Variants in PSMD6 observed in about 807,000 individuals in gnomAD.
PSMD6 encodes proteasome 26S subunit, non-ATPase 6.
Under a neutral mutation model 44.9 loss-of-function variants are expected in PSMD6, and 7 were observed. The ratio of observed to expected loss-of-function variants is 0.16; its 90% CI spans 0.09 to 0.29. The LOEUF is 0.29. Among genes scored for constraint, PSMD6 ranks in the 10% least tolerant of loss-of-function variants. The pLI is 1.00. For missense variants in PSMD6, 420 were observed against 482.6 expected, an observed-to-expected ratio of 0.87 and a Z score of 1.21; for synonymous variants, 184 against 172.7, an observed-to-expected ratio of 1.07 and a Z score of -0.51.
chr3:64,011,088 G>T (rs763920368), intron 6 of PSMD6, 133 bp from the exon 7 acceptor site: 11 of 685,930 alleles, frequency 1.6e-5, no homozygotes, highest in Non-Finnish European at 2.7e-5. Flanking sequence ...TGCACATGCA[G>T]TAGTTGACGT....
intron 5 of PSMD6, chr3:64,015,125 A>G (rs1396255445): frequency 6.6e-6 from 1 of 152,204 alleles, no homozygotes; most frequent in East Asian, 1.9e-4. Context: ...TAATAAGAGA[A>G]ATGCATAAAA....
At chr3:64,021,910 G>T (rs1382100502) in intron 2 of PSMD6, among the ~76,000 whole-genome samples, 1 of 151,988 alleles carries the variant, frequency 6.6e-6, no homozygotes, top group Admixed American at 6.6e-5. Flanking sequence ...AAAGATAACA[G>T]AACTTCAGCA....
At chr3:64,011,128 A>C (rs550371159) in intron 6 of PSMD6, 173 bp from the exon 7 acceptor site, 1 of 526,568 alleles carries the variant, frequency 1.9e-6, no homozygotes, top group Admixed American at 3.7e-5. Flanking sequence ...GCTTTAAGTC[A>C]TCATCTACTA....
In PSMD6 at chr3:64,010,585, G is replaced by GTTGA; in HGVS notation, c.*82_*83insTCAA. On this transcript the variant is annotated 3_prime_UTR_variant, in exon 8 of 8. Coordinates refer to ENST00000295901, the MANE Select transcript of PSMD6 (RefSeq NM_014814.3). ...AACAATGCAGTATTTATTTTATACA[G>GTTGA]CTGACCTGGGCACATTGTGAAGTAA... is the stretch of plus-strand genomic sequence containing the variant. 1 of 999,538 alleles carries GTTGA rather than the reference G, an allele frequency of 1.0e-6. No individual in the cohort carries two copies. The highest frequency in any genetic ancestry group is 1.5e-6 in the Non-Finnish European group (1 of 681,068). The allele number at this position is 999,538 out of a possible 1,614,324, so 61.9% of individuals were successfully genotyped here.
In PSMD6 at chr3:64,010,659, T is replaced by G; in HGVS notation, c.*9A>C. 6.4e-7 allele frequency: 1 copy of G among 1,550,848 alleles called. No individual in the cohort carries two copies. Among genetic ancestry groups the G allele is most frequent in the Non-Finnish European group, 8.9e-7 (1 of 1,129,900 alleles). ...TCTCTAAAGCAAATCCTTTGTTAGT[T>G]ACATGGCTTTACATATTAATTACTC... is the stretch of plus-strand genomic sequence containing the variant. On this transcript the variant is annotated 3_prime_UTR_variant, in exon 8 of 8. Coordinates refer to ENST00000295901, the MANE Select transcript of PSMD6 (RefSeq NM_014814.3).
chr3:64,023,538 C>T, upstream of PSMD6: 1 of 1,406,076 alleles, frequency 7.1e-7, no homozygotes, highest in Non-Finnish European at 9.3e-7. Context: ...CCGGTCCCGT[C>T]TCCGCCGGCA....
intron 5 of PSMD6, among the ~76,000 whole-genome samples, chr3:64,018,088 C>T (rs1411902468): frequency 6.6e-6 from 1 of 152,156 alleles, no homozygotes; most frequent in Non-Finnish European, 1.5e-5. Flanking sequence ...AAATGATTTG[C>T]AAATCAGCAC....
chr3:64,020,041 T>G (rs974120448), intron 2 of PSMD6: 5 of 152,216 alleles, frequency 3.3e-5, no homozygotes, highest in Admixed American at 6.5e-5. Flanking sequence ...GATCTTGGTT[T>G]TTAAATACTA....
At chr3:64,019,619 C>A in intron 2 of PSMD6, 178 bp from the exon 3 acceptor site, 1 of 542,128 alleles carries the variant, frequency 1.8e-6, no homozygotes, top group Non-Finnish European at 3.1e-6. Context: ...GTTTATTATT[C>A]TACTTTCTCT....
rs1207367184 is a variant in PSMD6 at position 64,018,725 on chromosome 3, C to T, written c.718-18G>A. 2.6e-6 allele frequency: 4 copies of T among 1,526,620 alleles called. No homozygotes were observed. Among genetic ancestry groups the T allele is most frequent in the Non-Finnish European group, 3.6e-6 (4 of 1,119,730 alleles). 94.6% of individuals were successfully genotyped at this position (1,526,620 alleles called of 1,614,324 possible). A position where few individuals can be genotyped will look rare whatever the true frequency, so the allele number is the denominator to read the frequency against. ...TTAATGACCTAGGTATTTTAAAAAA[C>T]ATATATACAAAAAAAATGTACATTT... On this transcript the variant is annotated intron_variant, in intron 4 of 7. Transcript: ENST00000295901.
At chr3:64,011,858 A>C (rs539549411) in intron 6 of PSMD6, 2 of 152,542 alleles carry the variant, frequency 1.3e-5, no homozygotes, top group East Asian at 3.9e-4. Context: ...AAGCAAAGCC[A>C]AGCCGTTTTT....
chr3:64,023,476 A>T lies in PSMD6; in HGVS notation c.-57T>A. ...CAACTTGGTTACGACCGGCTGCGGC[A>T]GCGGAAGCGGGAGGAGTCGGCGAAT... On this transcript the variant is annotated 5_prime_UTR_variant, in exon 1 of 8. Transcript: ENST00000295901. 6.7e-7 allele frequency: 1 copy of T among 1,500,704 alleles called. No homozygotes were observed. Among genetic ancestry groups the T allele is most frequent in the Non-Finnish European group, 9.0e-7 (1 of 1,117,300 alleles). The allele number at this position is 1,500,704 out of a possible 1,614,324, so 93.0% of individuals were successfully genotyped here.
chr3:64,021,733 C>T (rs1313691035), intron 2 of PSMD6, among the ~76,000 whole-genome samples: 4 of 151,768 alleles, frequency 2.6e-5, no homozygotes, highest in African/African-American at 7.3e-5. Flanking sequence ...ATCGATTGAA[C>T]CCAGCAGGTG....
chr3:64,012,601 T>C (rs1325457186), intron 6 of PSMD6: 3 of 152,030 alleles, frequency 2.0e-5, no homozygotes, highest in African/African-American at 7.2e-5. Context: ...AATCATTACC[T>C]ACCTAACTCT....
intron 2 of PSMD6, 190 bp from the exon 3 acceptor site, chr3:64,019,631 C>T: frequency 1.9e-6 from 1 of 519,470 alleles, no homozygotes; most frequent in Non-Finnish European, 3.2e-6. Flanking sequence ...ACTTTCTCTA[C>T]CTGTATAAAG....
At chr3:64,014,212 TA>T (rs1559674371) in intron 5 of PSMD6, 1 of 152,132 alleles carries the variant, frequency 6.6e-6, no homozygotes, top group Non-Finnish European at 1.5e-5. Flanking sequence ...TAGAAGACAG[TA>T]AAATGTACGT....
At chr3:64,023,823 T>C, upstream of PSMD6, 1 of 1,476,704 alleles carries the variant, frequency 6.8e-7, no homozygotes, top group Non-Finnish European at 9.1e-7. Context: ...GTCGAGTCGT[T>C]ACTCTCATTC....
chr3:64,023,393 C>G lies in PSMD6; in HGVS notation c.27G>C (p.Glu9Asp). The change falls in exon 1 of 8, where the codon GAG (glutamate) becomes GAC (aspartate). Residue 9 changes from glutamate to aspartate, a missense_variant. Glu to Asp is a conservative substitution (Grantham distance 45, BLOSUM62 2). Around this residue, in one of 4 missense-constraint regions of PSMD6, gnomAD observed 136 missense variants for 124.2 expected, o/e 1.09. Coordinates refer to ENST00000295901, the MANE Select transcript of PSMD6 (RefSeq NM_014814.3). The stretch of plus-strand genomic sequence containing the variant: ...GCAAGTCGGGGTTCTTGGGCAGACC[C>G]TCCTCCTCCAGGTTCTCCAGCGGCA... Reference protein sequence around the residue: MPLENLEEEGLPKNPDLRI... With the variant: MPLENLEEDGLPKNPDLRI... The G allele has an allele frequency of 6.2e-7, 1 of 1,608,196 alleles. No homozygotes were observed. The highest frequency in any genetic ancestry group is 8.5e-7 in the Non-Finnish European group (1 of 1,176,398).
intron 4 of PSMD6, 53 bp downstream of exon 4, chr3:64,018,765 T>C (rs897087628): frequency 4.6e-6 from 7 of 1,529,438 alleles, no homozygotes; most frequent in Non-Finnish European, 6.3e-6. Flanking sequence ...GATTTGTGTA[T>C]TTAAACAAAA....
Sources: allele counts gnomAD v4.1 joint callset (sites outside exome capture counted in the v4.1 genomes callset), GRCh38; gene constraint gnomAD v4.1.1; regional missense constraint gnomAD v4.1.1; transcripts MANE v1.5; gene names NCBI Gene and HGNC (gene_info 2026-07-23, HGNC 2026-07-21).